TIAM2: variants seen among roughly 807,000 people sequenced by gnomAD.
TIAM2 encodes TIAM Rac1 associated GEF 2.
In TIAM2, 80 loss-of-function variants were observed where a neutral mutation model predicts 152.9. The observed-to-expected ratio is 0.52, with a 90% confidence interval of 0.44 to 0.63. The LOEUF is 0.63. Among genes scored for constraint, TIAM2 ranks in the 30% least tolerant of loss-of-function variants. The pLI, the probability that TIAM2 is intolerant of heterozygous loss-of-function variation, is 0.00. For missense variants in TIAM2, 1,965 were observed against 2,120.1 expected, an observed-to-expected ratio of 0.93 and a Z score of 1.44; for synonymous variants, 804 against 838.0, an observed-to-expected ratio of 0.96 and a Z score of 0.70.
At chr6:155,124,662 T>TG (rs1342126430) in intron 2 of TIAM2, among the ~76,000 whole-genome samples, 1 of 152,124 alleles carries the variant, frequency 6.6e-6, no homozygotes, top group East Asian at 1.9e-4. Flanking sequence ...GGGGTTCTTG[T>TG]GGTCCAGCCC....
intron 7 of TIAM2, among the ~76,000 whole-genome samples, chr6:155,154,134 A>T (rs1448576144): frequency 6.6e-6 from 1 of 152,228 alleles, no homozygotes; most frequent in Admixed American, 6.5e-5. Context: ...CCTTTTAAAA[A>T]TATCTGTAAA....
At chr6:155,233,329 G>A (rs1782574337) in intron 15 of TIAM2, among the ~76,000 whole-genome samples, 1 of 152,152 alleles carries the variant, frequency 6.6e-6, no homozygotes, top group African/African-American at 2.4e-5. Context: ...TCAAGAGGAG[G>A]CCATCATGGT....
At position 155,174,101 on chromosome 6, in the gene TIAM2, T is replaced by C. The variant is rs1446275200; in HGVS notation, c.2362-2715T>C. 6.6e-6 allele frequency among the ~76,000 whole-genome samples: 1 copy of C among 152,214 alleles called. No individual in the cohort carries two copies. The highest frequency in any genetic ancestry group is 2.4e-5 in the African/African-American group (1 of 41,438). On this transcript the variant is annotated intron_variant, in intron 9 of 26. Coordinates refer to ENST00000682666, the MANE Select transcript of TIAM2 (RefSeq NM_012454.4). This position sits in a 1 kb window ranked among gnomAD's most constrained non-coding sequence, Gnocchi z 4.2. ...CAGGAGATTTGGGTTGCACCCATTTTATATAAAGGGAGTTAACTGCCAGGC... is the reference window on the plus strand; with the variant it reads ...CAGGAGATTTGGGTTGCACCCATTTCATATAAAGGGAGTTAACTGCCAGGC...
chr6:155,065,596 G>T (rs879615480), intron 1 of TIAM2, among the ~76,000 whole-genome samples: 1 of 151,938 alleles, frequency 6.6e-6, no homozygotes, highest in South Asian at 2.1e-4. Flanking sequence ...TGGCCAACGT[G>T]GCAAAACCCC....
At chr6:155,087,269 C>T (rs1319193295) in intron 1 of TIAM2, among the ~76,000 whole-genome samples, 2 of 152,108 alleles carry the variant, frequency 1.3e-5, no homozygotes, top group African/African-American at 4.8e-5. Context: ...GCTTGAGATC[C>T]AACATTATTA....
In TIAM2 at chr6:155,148,119, C is replaced by T; in HGVS notation, c.1813C>T (p.Gln605Ter). The change falls in exon 7 of 27, where the codon CAG becomes TAG. Residue 605 changes from glutamine (Q) to a stop codon, truncating the protein, a stop_gained. Transcript: ENST00000682666. LOFTEE classifies it high-confidence loss of function. ...GDVYLFQATS[Q>*]TDLENWVTAV... Reference sequence around the variant, plus strand: ...CCCTCCCTGTGTGTAGGCCACCAGCCAGACAGATCTAGAAAACTGGGTCAC... The same window carrying T: ...CCCTCCCTGTGTGTAGGCCACCAGCTAGACAGATCTAGAAAACTGGGTCAC... 1 of 1,613,924 alleles carries T rather than the reference C, an allele frequency of 6.2e-7. No individual in the cohort carries two copies.
intron 3 of TIAM2, among the ~76,000 whole-genome samples, chr6:155,128,694 CT>C (rs202087867): frequency 1.6e-5 from 2 of 125,078 alleles, no homozygotes; most frequent in African/African-American, 7.8e-5. Flanking sequence ...GACCCCATAT[CT>C]TTAAAAAAAA....
At chr6:155,254,711 A>G in intron 26 of TIAM2, 138 bp downstream of exon 26, 1 of 1,105,320 alleles carries the variant, frequency 9.0e-7, no homozygotes, top group Non-Finnish European at 1.3e-6. Flanking sequence ...AAGAAACCTA[A>G]ACATGCCTCT....
intron 2 of TIAM2, among the ~76,000 whole-genome samples, chr6:155,115,190 A>T (rs2115014421): frequency 6.6e-6 from 1 of 151,650 alleles, no homozygotes; most frequent in African/African-American, 2.4e-5. Flanking sequence ...AAAAAAAGGA[A>T]TAATTTCAGA....
intron 4 of TIAM2, among the ~76,000 whole-genome samples, chr6:155,136,916 G>A (rs977926738): frequency 6.6e-6 from 1 of 152,172 alleles, no homozygotes; most frequent in Non-Finnish European, 1.5e-5. Context: ...GCTAAGCATA[G>A]GTTAGATTTA....
At chr6:155,188,405 T>A (rs977737718) in intron 14 of TIAM2, among the ~76,000 whole-genome samples, 3 of 152,268 alleles carry the variant, frequency 2.0e-5, no homozygotes, top group Admixed American at 1.3e-4. Context: ...GTTCCTCTGT[T>A]GCCTACAAAA....
intron 1 of TIAM2, among the ~76,000 whole-genome samples, chr6:155,027,598 AC>A (rs1461557544): frequency 1.6e-4 from 13 of 81,888 alleles, no homozygotes; most frequent in African/African-American, 6.8e-4. Context: ...TTACATATAT[AC>A]TATATATAAT....
intron 6 of TIAM2, 75 bp from the exon 7 acceptor site, chr6:155,148,035 G>GCCCA (rs1779857032): frequency 1.3e-6 from 2 of 1,485,998 alleles, no homozygotes; most frequent in African/African-American, 2.8e-5. Flanking sequence ...GTACATCTAA[G>GCCCA]CCCAGCCTGC....
At chr6:155,081,293 A>T (rs772776346) in intron 1 of TIAM2, among the ~76,000 whole-genome samples, 2 of 151,574 alleles carry the variant, frequency 1.3e-5, no homozygotes, top group African/African-American at 2.4e-5. Flanking sequence ...TCCTTCATTG[A>T]TTCACTCATT....
intron 15 of TIAM2, among the ~76,000 whole-genome samples, chr6:155,230,761 AAATC>A (rs1782435233): frequency 6.8e-6 from 1 of 147,720 alleles, no homozygotes. Flanking sequence ...AATTTTATAA[AAATC>A]TATGCATACA....
At position 155,206,465 on chromosome 6, in the gene TIAM2, G is replaced by A. The variant is rs535799180; in HGVS notation, c.3065-4739G>A. Among the ~76,000 whole-genome samples the A allele has an allele frequency of 3.9e-3, 590 of 152,228 alleles. 2 individuals are homozygous for A. Among genetic ancestry groups the A allele is most frequent in the African/African-American group, 0.012 (516 of 41,542 alleles). ...TTAGCCAGGATGGTCTCGATCTCCT[G>A]ACCTCGTGATCTGCCCCCCTCAGCC... On this transcript the variant is annotated intron_variant, in intron 14 of 26. Coordinates refer to ENST00000682666, the MANE Select transcript of TIAM2 (RefSeq NM_012454.4).
At position 155,156,076 on chromosome 6, in the gene TIAM2, A is replaced by G. The variant is rs1780103982; in HGVS notation, c.2028+7742A>G. Among the ~76,000 whole-genome samples, 1 of 152,222 alleles carries G rather than the reference A, an allele frequency of 6.6e-6. No individual in the cohort carries two copies. The highest frequency in any genetic ancestry group is 6.5e-5 in the Admixed American group (1 of 15,282). On this transcript the variant is annotated intron_variant, in intron 7 of 26. Coordinates refer to ENST00000682666, the MANE Select transcript of TIAM2 (RefSeq NM_012454.4). The surrounding 1 kb of genome is among the most constrained non-coding windows in gnomAD (Gnocchi z 4.4). ...GTGGCATTCCAGTGCTGTGGAAGAC[A>G]GAAATGGGAAATATAGCCTCATGTG...
At chr6:155,044,827 C>CAA (rs1562299129) in intron 1 of TIAM2, among the ~76,000 whole-genome samples, 2 of 134,658 alleles carry the variant, frequency 1.5e-5, no homozygotes, top group African/African-American at 6.2e-5. Flanking sequence ...GACTCTGTCT[C>CAA]GAAAAAAAAA....
At position 155,213,181 on chromosome 6, in the gene TIAM2, C is replaced by T. The variant is rs1482197204; in HGVS notation, c.3168+1874C>T. 6.6e-6 allele frequency among the ~76,000 whole-genome samples: 1 copy of T among 152,154 alleles called. No homozygotes were observed. Among genetic ancestry groups the T allele is most frequent in the Admixed American group, 6.5e-5 (1 of 15,282 alleles). ...CTTTCAGCCCTGCCGTTAGGCAGGT[C>T]CCGAATTCTTGTCCCATGACCAGGA... On this transcript the variant is annotated intron_variant, in intron 15 of 26. Transcript: ENST00000682666. This position sits in a 1 kb window ranked among gnomAD's most constrained non-coding sequence, Gnocchi z 4.2.
Sources: gnomAD v4.1 joint callset for allele counts (sites outside exome capture counted in the v4.1 genomes callset) on GRCh38, gnomAD v4.1.1 for gene constraint, Gnocchi (gnomAD v3.1) non-coding constraint, MANE v1.5 for transcripts, NCBI Gene and HGNC (gene_info 2026-07-23, HGNC 2026-07-21) for gene names.